DCLK3: variants seen among roughly 807,000 people sequenced by gnomAD.
DCLK3 encodes the protein doublecortin like kinase 3.
Under a neutral mutation model 46.4 loss-of-function variants are expected in DCLK3, and 30 were observed. The observed-to-expected ratio is 0.65, with a 90% CI of 0.48 to 0.88. The LOEUF (loss-of-function observed/expected upper bound fraction) is 0.88. Among genes scored for constraint, DCLK3 ranks in the 40% least tolerant of loss-of-function variants. The pLI, the probability that DCLK3 is intolerant of heterozygous loss-of-function variation, is 0.00. For synonymous variants in DCLK3, 401 were observed against 339.2 expected (o/e 1.18, Z -2.00); for missense variants, 846 against 907.1 (o/e 0.93, Z 0.87).
In DCLK3 at chr3:36,738,784, T is replaced by C; in HGVS notation, c.383A>G (p.Asp128Gly). 1 of 1,208,080 alleles carries C rather than the reference T, an allele frequency of 8.3e-7. No homozygotes were observed. Among genetic ancestry groups the C allele is most frequent in the East Asian group, 2.8e-5 (1 of 35,226 alleles). 74.8% of individuals were successfully genotyped at this position (1,208,080 alleles called of 1,614,324 possible). A position where few individuals can be genotyped will look rare whatever the true frequency, so the allele number is the denominator to read the frequency against. The change falls in exon 2 of 5, where the codon GAC becomes GGC. Residue 128 changes from aspartate to glycine, a missense_variant. Asp to Gly is a moderately conservative substitution (Grantham distance 94, BLOSUM62 -1). Around this residue, in one of 3 missense-constraint regions of DCLK3, gnomAD observed 553 missense variants for 543.0 expected, o/e 1.02. Coordinates refer to ENST00000636136, the MANE Select transcript of DCLK3 (RefSeq NM_001394672.2). ...SVQTFEQLLADISEALGSPRW... is the reference protein window; with the variant it reads ...SVQTFEQLLAGISEALGSPRW... ...GGGAGAGCCCAAGGCTTCTGAGATG[T>C]CAGCTAAGAGCTGCTCGAACGTCTG... is the stretch of plus-strand genomic sequence containing the variant.
chr3:36,750,172 C>T lies in DCLK3; in HGVS notation c.83-11088G>A, dbSNP rs147359519. ...CTTGGCTCACTGCAACCTCTGCTTC[C>T]CGGGTTCAAGCGACTCTCCTGCCTC... On this transcript the variant is annotated intron_variant, in intron 1 of 4. Transcript: ENST00000636136. Among the ~76,000 whole-genome samples the T allele has an allele frequency of 1.1e-3, 166 of 152,226 alleles. 1 individual carries two copies. The highest frequency in any genetic ancestry group is 3.7e-3 in the African/African-American group (154 of 41,524).
intron 4 of DCLK3, 39 bp downstream of exon 4, chr3:36,717,971 A>G (rs1701005751): frequency 3.1e-6 from 5 of 1,612,586 alleles, no homozygotes; most frequent in Non-Finnish European, 4.2e-6. Flanking sequence ...TGAAAAACCC[A>G]TCCGCTCCTC....
intron 2 of DCLK3, among the ~76,000 whole-genome samples, chr3:36,729,501 G>A (rs1312916784): frequency 1.3e-5 from 2 of 152,118 alleles, no homozygotes; most frequent in Non-Finnish European, 2.9e-5. Flanking sequence ...AATTCAAGTG[G>A]TCTACATTAT....
At chr3:36,717,761 T>A (rs541716341) in intron 4 of DCLK3, among the ~76,000 whole-genome samples, 1 of 152,158 alleles carries the variant, frequency 6.6e-6, no homozygotes, top group Non-Finnish European at 1.5e-5. Flanking sequence ...TGTTCTGAGG[T>A]TCTTGAATTG....
chr3:36,740,433 A>T (rs1172115578), intron 1 of DCLK3, among the ~76,000 whole-genome samples: 1 of 152,220 alleles, frequency 6.6e-6, no homozygotes, highest in Non-Finnish European at 1.5e-5. Flanking sequence ...TCTGACTGAG[A>T]TTCACTTGCA....
chr3:36,723,529 A>T (rs1701087226), intron 2 of DCLK3, among the ~76,000 whole-genome samples: 1 of 152,100 alleles, frequency 6.6e-6, no homozygotes, highest in African/African-American at 2.4e-5. Context: ...ACAAGGAAAA[A>T]GTGGTTTTGT....
At chr3:36,739,203 C>T (rs1701317181) in intron 1 of DCLK3, 119 bp from the exon 2 acceptor site, 1 of 396,484 alleles carries the variant, frequency 2.5e-6, no homozygotes, top group Admixed American at 4.4e-5. Context: ...AGTGTGGTTC[C>T]TGAGAGTCTG....
chr3:36,721,123 T>C (rs1701048996), intron 3 of DCLK3, among the ~76,000 whole-genome samples: 1 of 152,232 alleles, frequency 6.6e-6, no homozygotes, highest in South Asian at 2.1e-4. Flanking sequence ...TTCCTTTAAA[T>C]GCAAGGTTGG....
chr3:36,717,787 C>A (rs1389128756), intron 4 of DCLK3, among the ~76,000 whole-genome samples: 1 of 152,130 alleles, frequency 6.6e-6, no homozygotes. Flanking sequence ...AGGAAAAGTA[C>A]TTGGTGACTG....
At chr3:36,721,503 C>T (rs2125521805) in intron 3 of DCLK3, 24 bp downstream of exon 3, 1 of 1,611,760 alleles carries the variant, frequency 6.2e-7, no homozygotes, top group East Asian at 2.2e-5. Flanking sequence ...ACTAGAGTCC[C>T]ACAGATCGAT....
intron 1 of DCLK3, among the ~76,000 whole-genome samples, chr3:36,740,222 G>C (rs1701330118): frequency 1.4e-5 from 2 of 148,036 alleles, no homozygotes; most frequent in Non-Finnish European, 3.0e-5. Context: ...ACTTACCTAA[G>C]AGAGTGCCTG....
At chr3:36,763,927 C>A (rs1473478145) in intron 1 of DCLK3, among the ~76,000 whole-genome samples, 1 of 152,240 alleles carries the variant, frequency 6.6e-6, no homozygotes, top group Non-Finnish European at 1.5e-5. Flanking sequence ...AAAATCAGCT[C>A]CGGAGAGCGT....
rs150186698 is a variant in DCLK3 at position 36,715,092 on chromosome 3, A to G, written c.*236T>C. The G allele has an allele frequency of 3.0e-3, 1,500 of 498,392 alleles. 7 individuals carry two copies. Among genetic ancestry groups the G allele is most frequent in the Middle Eastern group, 0.013 (24 of 1,910 alleles). 30.9% of individuals were successfully genotyped at this position (498,392 alleles called of 1,614,324 possible). A position where few individuals can be genotyped will look rare whatever the true frequency, so the allele number is the denominator to read the frequency against. ...TTATTACCAAAATTCCTCACTGATG[A>G]CAATGCTTACCCCCCAAAAATGTAT... On this transcript the variant is annotated 3_prime_UTR_variant, in exon 5 of 5. Coordinates refer to ENST00000636136, the MANE Select transcript of DCLK3 (RefSeq NM_001394672.2).
At chr3:36,716,770 G>A (rs940238231) in intron 4 of DCLK3, among the ~76,000 whole-genome samples, 1 of 152,200 alleles carries the variant, frequency 6.6e-6, no homozygotes, top group Non-Finnish European at 1.5e-5. Context: ...ACATCCCCTA[G>A]GCCCCATACT....
At chr3:36,728,220 G>A (rs1358582858) in intron 2 of DCLK3, among the ~76,000 whole-genome samples, 1 of 152,146 alleles carries the variant, frequency 6.6e-6, no homozygotes, top group South Asian at 2.1e-4. Flanking sequence ...GAATAAGAAC[G>A]CATCCCTCCA....
rs1482280935 is a variant in DCLK3 at position 36,737,706 on chromosome 3, A to C, written c.1461T>G (p.Pro487=). 3 of 1,613,622 alleles carry C rather than the reference A, an allele frequency of 1.9e-6. No homozygotes were observed. The African/African-American group carries it at 4.0e-5, about 22-fold the overall frequency. The change falls in exon 2 of 5, where the codon CCT becomes CCG. Residue 487 remains proline, a synonymous_variant. Transcript: ENST00000636136. This position sits in a 1 kb window ranked among gnomAD's most constrained non-coding sequence, Gnocchi z 4.4. ...GRRMTLRDDQ[P]AKLEKEPKTR... ...TCTTGGGCTCCTTTTCTAGCTTTGCAGGTTGGTCATCTCTGAGAGTCATCC... is the reference window on the plus strand; with the variant it reads ...TCTTGGGCTCCTTTTCTAGCTTTGCCGGTTGGTCATCTCTGAGAGTCATCC...
Position 36,715,274 on chromosome 3 carries a change from C to A in DCLK3, c.*54G>T. On this transcript the variant is annotated 3_prime_UTR_variant, in exon 5 of 5. Transcript: ENST00000636136. ...ATTGTTTTTCTCTCAAACTTCTATCCTTTTCTCTGTCCTTGAGCAGAACTG... is the reference window on the plus strand; with the variant it reads ...ATTGTTTTTCTCTCAAACTTCTATCATTTTCTCTGTCCTTGAGCAGAACTG... 6.3e-7 allele frequency: 1 copy of A among 1,588,148 alleles called. No individual in the cohort carries two copies.
chr3:36,715,483 G>A lies in DCLK3; in HGVS notation c.2299C>T (p.Pro767Ser). 1 of 1,560,944 alleles carries A rather than the reference G, an allele frequency of 6.4e-7. No homozygotes were observed. The highest frequency in any genetic ancestry group is 8.7e-7 in the Non-Finnish European group (1 of 1,154,926). ...TGATGAGCTGTGTAGCGCTTTTTGG[G>A]GTCTACCACCAGCAACCGGCTCACC... Reference protein sequence around the residue: ...DLVSRLLVVDPKKRYTAHQVL... With the variant: ...DLVSRLLVVDSKKRYTAHQVL... The change falls in exon 5 of 5, where the codon CCC becomes TCC. Residue 767 changes from proline to serine, a missense_variant. Around this residue, in one of 3 missense-constraint regions of DCLK3, gnomAD observed 247 missense variants for 322.8 expected, o/e 0.77. Coordinates refer to ENST00000636136, the MANE Select transcript of DCLK3 (RefSeq NM_001394672.2).
At chr3:36,745,819 T>G (rs1158863490) in intron 1 of DCLK3, among the ~76,000 whole-genome samples, 2 of 152,212 alleles carry the variant, frequency 1.3e-5, no homozygotes, top group Non-Finnish European at 2.9e-5. Flanking sequence ...GAAACATTTG[T>G]GAACTTACAT....
Sources: gnomAD v4.1 joint callset for allele counts (sites outside exome capture counted in the v4.1 genomes callset) on GRCh38, gnomAD v4.1.1 for gene constraint, gnomAD v4.1.1 regional missense constraint, Gnocchi (gnomAD v3.1) non-coding constraint, MANE v1.5 for transcripts, NCBI Gene and HGNC (gene_info 2026-07-23, HGNC 2026-07-21) for gene names.